The following C16orf87 variants were observed in gnomAD, a reference collection of about 807,000 sequenced individuals.
C16orf87 encodes HDAC and MIER1 interacting protein 1, also known as UPF0547 protein C16orf87.
C16orf87 carries 13 observed loss-of-function variants against 21.0 expected under a neutral mutation model. That is an observed-to-expected ratio of 0.62 (90% confidence interval 0.40 to 0.98). The LOEUF (loss-of-function observed/expected upper bound fraction) is 0.98, where lower values mean the gene tolerates loss of function less well. Among genes scored for constraint, C16orf87 ranks in the 50% least tolerant of loss-of-function variants. C16orf87 has a pLI of 0.00. For synonymous variants in C16orf87, 49 were observed against 60.2 expected, an observed-to-expected ratio of 0.81 and a Z score of 0.86; for missense variants, 113 against 180.4, an observed-to-expected ratio of 0.63 and a Z score of 2.14.
chr16:46,814,825 AAGG>A (rs1393464563), intron 2 of C16orf87, among the ~76,000 whole-genome samples: 1 of 152,180 alleles, frequency 6.6e-6, no homozygotes, highest in Non-Finnish European at 1.5e-5. Flanking sequence ...AGAGATCTGA[AAGG>A]AGATTATCAT....
intron 2 of C16orf87, among the ~76,000 whole-genome samples, chr16:46,810,399 A>G (rs772635529): frequency 2.6e-5 from 4 of 152,200 alleles, no homozygotes; most frequent in Admixed American, 2.6e-4. Context: ...TGGTGATTTA[A>G]TTAGTGCAAG....
chr16:46,804,279 T>C (rs758202519), intron 3 of C16orf87, among the ~76,000 whole-genome samples: 6 of 152,368 alleles, frequency 3.9e-5, no homozygotes, highest in Non-Finnish European at 8.8e-5. Context: ...TATCATCTTG[T>C]GCTCTTTCAT....
At position 46,799,015 on chromosome 16, in the gene C16orf87, C is replaced by G. The variant is rs568962440; in HGVS notation, c.*3937G>C. ...CTGGATCAAGGCAAAAAGTCCCAACCAGTGCAATAAGGCAAAGAAAAAAAT... is the reference window on the plus strand; with the variant it reads ...CTGGATCAAGGCAAAAAGTCCCAACGAGTGCAATAAGGCAAAGAAAAAAAT... On this transcript the variant is annotated 3_prime_UTR_variant, in exon 4 of 4. Coordinates refer to ENST00000285697, the MANE Select transcript of C16orf87 (RefSeq NM_001001436.4). 6.6e-6 allele frequency: 1 copy of G among 152,174 alleles called. No homozygotes were observed. The highest frequency in any genetic ancestry group is 1.5e-5 in the Non-Finnish European group (1 of 68,010). 9.4% of individuals were successfully genotyped at this position (152,174 alleles called of 1,614,324 possible).
rs1460620198 is a variant in C16orf87, at chr16:46,824,521, T to A, written c.67-39A>T. 9.0e-6 allele frequency: 8 copies of A among 884,846 alleles called. No individual in the cohort carries two copies. In the African/African-American group the frequency reaches 1.4e-4, roughly 15 times the overall value. The allele number at this position is 884,846 out of a possible 1,614,324, so 54.8% of individuals were successfully genotyped here. A position where few individuals can be genotyped will look rare whatever the true frequency, so the allele number is the denominator to read the frequency against. The stretch of plus-strand genomic sequence containing the variant: ...AGAAAAATATATATTATTACTATTT[T>A]TCTATTGTTAAATTTCTCAGTGTCT... On this transcript the variant is annotated intron_variant, in intron 1 of 3. Coordinates refer to ENST00000285697, the MANE Select transcript of C16orf87 (RefSeq NM_001001436.4).
At chr16:46,813,799 G>C (rs751969929) in intron 2 of C16orf87, among the ~76,000 whole-genome samples, 2 of 152,198 alleles carry the variant, frequency 1.3e-5, no homozygotes, top group Non-Finnish European at 2.9e-5. Flanking sequence ...CAGGTCACTT[G>C]CTCTGATTCT....
chr16:46,820,916 AC>A (rs1567314920), intron 2 of C16orf87, among the ~76,000 whole-genome samples: 1 of 152,216 alleles, frequency 6.6e-6, no homozygotes, highest in African/African-American at 2.4e-5. Context: ...TTTTGTTTCA[AC>A]CGCATTTCCC....
At chr16:46,824,331 AT>A in intron 2 of C16orf87, 54 bp downstream of exon 2, 1 of 814,330 alleles carries the variant, frequency 1.2e-6, no homozygotes, top group Non-Finnish European at 2.0e-6. Flanking sequence ...CTTCACAAAA[AT>A]TAACTTTACA....
At chr16:46,806,669 G>A (rs562876992) in intron 3 of C16orf87, among the ~76,000 whole-genome samples, 73 of 152,240 alleles carry the variant, frequency 4.8e-4, no homozygotes, top group South Asian at 1.4e-3. Flanking sequence ...TATATAAAAC[G>A]AAGACTTACA....
chr16:46,815,377 G>GAAAAAAAAAAAAAAAAAAAAA (rs71134503), intron 2 of C16orf87, among the ~76,000 whole-genome samples: 1 of 119,040 alleles, frequency 8.4e-6, no homozygotes, highest in African/African-American at 3.1e-5. Context: ...AGCAATGAAA[G>GAAAAAAAAAAAAAAAAAAAAA]AAAAAAAAAA....
chr16:46,826,044 TAGG>T (rs1488769930), intron 1 of C16orf87, among the ~76,000 whole-genome samples: 3 of 152,046 alleles, frequency 2.0e-5, no homozygotes, highest in Admixed American at 6.6e-5. Flanking sequence ...AAAGAGAATG[TAGG>T]AGAAGGTAGG....
In C16orf87 at chr16:46,824,484, T is replaced by C. The variant is rs760881165; in HGVS notation, c.67-2A>G. On this transcript the variant is annotated splice_acceptor_variant, in intron 1 of 3. Transcript: ENST00000285697. LOFTEE classifies it high-confidence loss of function. ...ACATGATTTACATGCAACAGGAACC[T>C]GTAGGAAAAAAAGAAAAATATATAT... The C allele has an allele frequency of 1.4e-6, 2 of 1,459,572 alleles. No individual in the cohort carries two copies. Among genetic ancestry groups the C allele is most frequent in the South Asian group, 1.3e-5 (1 of 76,080 alleles). The allele number at this position is 1,459,572 out of a possible 1,614,324, so 90.4% of individuals were successfully genotyped here.
chr16:46,830,581 C>G (rs575663937), intron 1 of C16orf87: 1 of 153,744 alleles, frequency 6.5e-6, no homozygotes, highest in South Asian at 2.1e-4. Context: ...CCCCTTTGTC[C>G]CACTCAGGCG....
chr16:46,818,013 G>C (rs1220888020), intron 2 of C16orf87, among the ~76,000 whole-genome samples: 1 of 150,100 alleles, frequency 6.7e-6, no homozygotes, highest in Non-Finnish European at 1.5e-5. Context: ...TAGCATGTAA[G>C]GGAAGATGCT....
intron 3 of C16orf87, among the ~76,000 whole-genome samples, chr16:46,803,676 G>A (rs1411518078): frequency 2.0e-5 from 3 of 150,722 alleles, no homozygotes; most frequent in Non-Finnish European, 3.0e-5. Context: ...TCTAATCAAA[G>A]TTAAATGCAT....
chr16:46,807,715 A>G (rs1346436819), intron 3 of C16orf87, among the ~76,000 whole-genome samples: 1 of 152,250 alleles, frequency 6.6e-6, no homozygotes, highest in Non-Finnish European at 1.5e-5. Context: ...AAATTAATTT[A>G]AGTAATTTCC....
rs1013449965 is a variant in C16orf87 at position 46,798,866 on chromosome 16, C to CA, written c.*4085dup. 6.6e-6 allele frequency: 1 copy of CA among 151,802 alleles called. No homozygotes were observed. Among genetic ancestry groups the CA allele is most frequent in the Non-Finnish European group, 1.5e-5 (1 of 67,972 alleles). The allele number at this position is 151,802 out of a possible 1,614,324, so 9.4% of individuals were successfully genotyped here. A position where few individuals can be genotyped will look rare whatever the true frequency, so the allele number is the denominator to read the frequency against. ...GACAAAATTCAACATCTGTTCCTGA[C>CA]AGAAAACTTCCAACAAGCAGAAATA... is the stretch of plus-strand genomic sequence containing the variant. On this transcript the variant is annotated 3_prime_UTR_variant, in exon 4 of 4. Transcript: ENST00000285697.
intron 3 of C16orf87, among the ~76,000 whole-genome samples, chr16:46,808,762 C>T (rs1398607769): frequency 1.3e-5 from 2 of 151,922 alleles, no homozygotes; most frequent in African/African-American, 4.8e-5. Context: ...AAAAGAGAAA[C>T]TGAAGTTTTA....
intron 2 of C16orf87, among the ~76,000 whole-genome samples, chr16:46,814,607 G>C (rs776677621): frequency 6.6e-6 from 1 of 152,132 alleles, no homozygotes; most frequent in Non-Finnish European, 1.5e-5. Flanking sequence ...TGTCAAAACA[G>C]ACGTTTAAAA....
At position 46,809,722 on chromosome 16, in the gene C16orf87, G is replaced by A; in HGVS notation, c.227C>T (p.Thr76Ile). ...ERVRREKINSTVNKDLENRKR... is the reference protein window; with the variant it reads ...ERVRREKINSIVNKDLENRKR... ...TCTGTTTTCTAAATCTTTATTTACT[G>A]TAGAATTTATCTTCTCTCTCCTAAC... is the stretch of plus-strand genomic sequence containing the variant. Residue 76 changes from threonine to isoleucine, a missense_variant, in exon 3 of 4, where the codon ACA becomes ATA. By Grantham distance (89) the Thr-to-Ile change is moderately conservative. Transcript: ENST00000285697. 1 of 1,607,970 alleles carries A rather than the reference G, an allele frequency of 6.2e-7. No homozygotes were observed. Among genetic ancestry groups the A allele is most frequent in the Non-Finnish European group, 8.5e-7 (1 of 1,174,872 alleles).
Sources: allele counts gnomAD v4.1 joint callset (sites outside exome capture counted in the v4.1 genomes callset), GRCh38; gene constraint gnomAD v4.1.1; transcripts MANE v1.5; gene names NCBI Gene and HGNC (gene_info 2026-07-23, HGNC 2026-07-21).